Variants in RP1 observed in about 807,000 individuals in gnomAD.
RP1 encodes the protein oxygen-regulated protein 1.
RP1 carries 16 observed loss-of-function variants against 14.8 expected under a neutral mutation model. That is an observed-to-expected ratio of 1.08 (90% CI 0.73 to 1.65). RP1 has a LOEUF of 1.65. Among genes scored for constraint, RP1 ranks in the 40% most tolerant of loss-of-function variants. The pLI, the probability that RP1 is intolerant of heterozygous loss-of-function variation, is 0.00. For missense variants in RP1, 2,631 were observed against 2,535.0 expected, an observed-to-expected ratio of 1.04 and a Z score of -0.81; for synonymous variants, 876 against 883.6, an observed-to-expected ratio of 0.99 and a Z score of 0.15.
At chr8:54,863,733 A>G (rs193037487) in intron 27 of RP1, among the ~76,000 whole-genome samples, 2 of 152,190 alleles carry the variant, frequency 1.3e-5, no homozygotes, top group Non-Finnish European at 2.9e-5. Context: ...CAAATCCCCA[A>G]ACAGCATAGT....
intron 25 of RP1, among the ~76,000 whole-genome samples, chr8:54,839,425 C>A (rs1359466666): frequency 6.6e-6 from 1 of 152,208 alleles, no homozygotes; most frequent in East Asian, 1.9e-4. Context: ...GAGTAATGAG[C>A]ACCAGAGGAA....
intron 24 of RP1, among the ~76,000 whole-genome samples, chr8:54,805,508 T>C (rs1810826204): frequency 6.6e-6 from 1 of 152,220 alleles, no homozygotes; most frequent in African/African-American, 2.4e-5. Context: ...AATCCTATTA[T>C]TCTAAATGGC....
chr8:54,605,405 A>G (rs1217975407), intron 1 of RP1, among the ~76,000 whole-genome samples: 2 of 151,946 alleles, frequency 1.3e-5, no homozygotes, highest in African/African-American at 4.8e-5. Flanking sequence ...TCTGAGAGAG[A>G]GTTTGTTATA....
At chr8:54,798,891 T>G (rs1445564413) in intron 24 of RP1, among the ~76,000 whole-genome samples, 1 of 152,140 alleles carries the variant, frequency 6.6e-6, no homozygotes, top group Non-Finnish European at 1.5e-5. Flanking sequence ...ACATACATAT[T>G]GTATATGTAA....
chr8:54,679,886 A>C, exon 12 of RP1: 1 of 1,536,060 alleles, frequency 6.5e-7, no homozygotes, highest in Non-Finnish European at 8.7e-7. Context: ...GTCCGTTTGC[A>C]TCCAGATGGC....
rs114349155 is a variant in RP1, at chr8:54,599,056, G to A, written c.-12-21899G>A. On this transcript the variant is annotated intron_variant, in intron 1 of 22. Transcript: ENST00000636932. ...ATTATTTCTGGGAAAATATTTTGAG[G>A]CCCACCTGCTTCCTCCTCTCCTTCT... 5.8e-3 allele frequency among the ~76,000 whole-genome samples: 875 copies of A among 152,076 alleles called. 11 individuals carry two copies. Among genetic ancestry groups the A allele is most frequent in the African/African-American group, 0.02 (836 of 41,502 alleles).
chr8:54,754,130 G>A (rs1585663416), intron 19 of RP1, among the ~76,000 whole-genome samples: 1 of 152,304 alleles, frequency 6.6e-6, no homozygotes, highest in South Asian at 2.1e-4. Context: ...CAAGGGGTCT[G>A]TGGAGGATTC....
At chr8:54,615,200 T>A (rs1420979764), upstream of RP1, among the ~76,000 whole-genome samples, 1 of 152,180 alleles carries the variant, frequency 6.6e-6, no homozygotes, top group African/African-American at 2.4e-5. Context: ...TACTCCTCTC[T>A]CCATTTCTCT....
chr8:54,836,629 A>C (rs1455144418), intron 24 of RP1, among the ~76,000 whole-genome samples: 2 of 152,186 alleles, frequency 1.3e-5, no homozygotes, highest in African/African-American at 4.8e-5. Flanking sequence ...AACAGCGTGA[A>C]TAAGCTTGGA....
At chr8:54,756,108 A>G (rs1809499614) in intron 21 of RP1, among the ~76,000 whole-genome samples, 1 of 152,236 alleles carries the variant, frequency 6.6e-6, no homozygotes, top group South Asian at 2.1e-4. Context: ...TTATTTTAAA[A>G]GATAAGGCCA....
chr8:54,624,443 C>CAAAAAAAAAAAAAAAA (rs11332494), intron 3 of RP1, among the ~76,000 whole-genome samples: 22 of 56,594 alleles, frequency 3.9e-4, no homozygotes, highest in East Asian at 4.9e-4. Flanking sequence ...GACTCTGTCT[C>CAAAAAAAAAAAAAAAA]AAAAAAAAAA....
intron 1 of RP1, among the ~76,000 whole-genome samples, chr8:54,595,478 ATGAGAATT>A (rs1188711054): frequency 2.0e-5 from 3 of 152,152 alleles, no homozygotes; most frequent in Non-Finnish European, 2.9e-5. Context: ...CTTGGTTAGA[ATGAGAATT>A]CCCTGTGTCA....
rs552786851 is a variant in RP1 at position 54,696,774 on chromosome 8, A to G, written c.1718-2693A>G. On this transcript the variant is annotated intron_variant, in intron 12 of 22. Transcript: ENST00000636932. The stretch of plus-strand genomic sequence containing the variant: ...GGTGTCTTGGTAAAAGTCACCCCCC[A>G]GAACCTAAAAATGCCACGTATAGTG... 217 of 728,506 alleles carry G rather than the reference A, an allele frequency of 3.0e-4. No homozygotes were observed. The African/African-American group carries it at 3.5e-3, about 12-fold the overall frequency. 45.1% of individuals were successfully genotyped at this position (728,506 alleles called of 1,614,324 possible). A position where few individuals can be genotyped will look rare whatever the true frequency, so the allele number is the denominator to read the frequency against.
At chr8:54,766,673 C>T (rs1359121421) in intron 22 of RP1, among the ~76,000 whole-genome samples, 1 of 152,198 alleles carries the variant, frequency 6.6e-6, no homozygotes, top group Admixed American at 6.5e-5. Flanking sequence ...CGTTATACAT[C>T]TTCCCCCAGC....
chr8:54,760,784 C>G (rs901608615), intron 22 of RP1, among the ~76,000 whole-genome samples: 1 of 152,302 alleles, frequency 6.6e-6, no homozygotes, highest in Admixed American at 6.5e-5. Flanking sequence ...CCTTTCCTTG[C>G]TCTCTTCTCC....
upstream of RP1, among the ~76,000 whole-genome samples, chr8:54,611,870 T>TCCCC (rs1805602980): frequency 1.1e-5 from 1 of 90,868 alleles, no homozygotes; most frequent in Non-Finnish European, 2.2e-5. Context: ...TTTCCCTCCC[T>TCCCC]CCCTCCCTCC....
intron 24 of RP1, among the ~76,000 whole-genome samples, chr8:54,830,344 C>T (rs1398631841): frequency 3.3e-5 from 5 of 151,610 alleles, no homozygotes; most frequent in African/African-American, 1.2e-4. Context: ...AGGTTTGTTA[C>T]ATATGTGTAC....
Position 54,625,079 on chromosome 8 carries a change from T to C in RP1, c.1197T>C (p.Asn399=). The C allele has an allele frequency of 6.2e-7, 1 of 1,614,124 alleles. No individual in the cohort carries two copies. Among genetic ancestry groups the C allele is most frequent in the Non-Finnish European group, 8.5e-7 (1 of 1,180,038 alleles). Residue 399 remains asparagine, a synonymous_variant, in exon 4 of 4, where the codon AAT becomes AAC. Coordinates refer to ENST00000220676, the MANE Select transcript of RP1 (RefSeq NM_006269.2). ...TGTCACCTATGGAGCGAAGCAGTAA[T>C]CAAGAGGGCAGTTTGGCAGAGGAGA... ...ADVSPMERSS[N]QEGSLAEEIN... is the part of the protein sequence containing the mutation.
At chr8:54,789,337 T>C (rs1810405899) in intron 24 of RP1, among the ~76,000 whole-genome samples, 1 of 152,158 alleles carries the variant, frequency 6.6e-6, no homozygotes, top group South Asian at 2.1e-4. Flanking sequence ...TGCCAAGCCA[T>C]GGAGCCTAAC....
Sources: gnomAD v4.1 joint callset for allele counts (sites outside exome capture counted in the v4.1 genomes callset) on GRCh38, gnomAD v4.1.1 for gene constraint, MANE v1.5 for transcripts, NCBI Gene and HGNC (gene_info 2026-07-23, HGNC 2026-07-21) for gene names.